The following ALK variants were observed in gnomAD, a reference collection of about 807,000 sequenced individuals.
ALK encodes the protein ALK tyrosine kinase receptor.
A neutral mutation model predicts 163.1 loss-of-function variants in ALK; 74 were observed. The observed-to-expected ratio is 0.45, with a 90% CI of 0.38 to 0.55. The LOEUF is 0.55. Among genes scored for constraint, ALK ranks in the 20% least tolerant of loss-of-function variants. ALK has a pLI of 0.00. For synonymous variants in ALK, 960 were observed against 843.2 expected (o/e 1.14, Z -2.40); for missense variants, 2,063 against 2,105.3 (o/e 0.98, Z 0.39).
intron 23 of ALK, among the ~76,000 whole-genome samples, chr2:29,217,873 T>C (rs1165846162): frequency 1.9e-5 from 2 of 107,248 alleles, no homozygotes; most frequent in Non-Finnish European, 3.8e-5. Context: ...CTACTTTCTC[T>C]TCATGGCACA....
At chr2:29,855,642 T>C (rs1234694863) in intron 1 of ALK, among the ~76,000 whole-genome samples, 1 of 152,188 alleles carries the variant, frequency 6.6e-6, no homozygotes, top group Non-Finnish European at 1.5e-5. Flanking sequence ...AAAGTCTCTG[T>C]GCCTCCCTCA....
chr2:29,393,888 T>G (rs879732358), intron 4 of ALK, among the ~76,000 whole-genome samples: 3 of 152,164 alleles, frequency 2.0e-5, no homozygotes, highest in African/African-American at 7.2e-5. Context: ...TACTGTTGAA[T>G]TAGGTGTGAA....
chr2:29,225,599 C>A (rs1405932599), intron 18 of ALK, 34 bp from the exon 19 acceptor site: 1 of 1,557,850 alleles, frequency 6.4e-7, no homozygotes, highest in African/African-American at 1.4e-5. Context: ...TATTGACAAC[C>A]ACACCAGGTC....
chr2:29,850,658 T>C (rs1289799527), intron 1 of ALK, among the ~76,000 whole-genome samples: 1 of 152,178 alleles, frequency 6.6e-6, no homozygotes, highest in Non-Finnish European at 1.5e-5. Flanking sequence ...CTGGGGTCTA[T>C]GCAGCCAGGC....
At chr2:29,226,881 G>A in intron 18 of ALK, 41 bp downstream of exon 18, 1 of 1,612,732 alleles carries the variant, frequency 6.2e-7, no homozygotes, top group Non-Finnish European at 8.5e-7. Context: ...CCAAATCTCA[G>A]GCTATGGGCC....
chr2:29,587,000 C>A (rs1674908429), intron 3 of ALK, among the ~76,000 whole-genome samples: 1 of 152,114 alleles, frequency 6.6e-6, no homozygotes, highest in Non-Finnish European at 1.5e-5. Context: ...GGTGGGTGTA[C>A]CCTTACCTGC....
intron 3 of ALK, among the ~76,000 whole-genome samples, chr2:29,633,050 T>C (rs1163553281): frequency 1.3e-5 from 2 of 152,156 alleles, no homozygotes; most frequent in Non-Finnish European, 2.9e-5. Flanking sequence ...GACACTCTGA[T>C]CTTGAACTTC....
intron 3 of ALK, among the ~76,000 whole-genome samples, chr2:29,617,276 C>G (rs549635421): frequency 6.6e-6 from 1 of 152,324 alleles, no homozygotes; most frequent in African/African-American, 2.4e-5. Flanking sequence ...AGCCTCTGCT[C>G]TTTTACAAAC....
intron 1 of ALK, among the ~76,000 whole-genome samples, chr2:29,898,870 T>G (rs559426746): frequency 6.6e-6 from 1 of 152,278 alleles, no homozygotes; most frequent in African/African-American, 2.4e-5. Context: ...CCTCTGGTGG[T>G]CTACTAATCT....
intron 2 of ALK, among the ~76,000 whole-genome samples, chr2:29,695,584 G>A: frequency 6.6e-6 from 1 of 152,122 alleles, no homozygotes; most frequent in Non-Finnish European, 1.5e-5. Context: ...GCAACCTACA[G>A]AATGGGAGAA....
chr2:29,767,199 A>G (rs1051750273), intron 1 of ALK, among the ~76,000 whole-genome samples: 3 of 152,232 alleles, frequency 2.0e-5, no homozygotes, highest in African/African-American at 7.2e-5. Context: ...AGTGTTCATT[A>G]GTAAGAAGAT....
At chr2:29,671,057 T>C (rs1677669830) in intron 3 of ALK, among the ~76,000 whole-genome samples, 1 of 152,008 alleles carries the variant, frequency 6.6e-6, no homozygotes, top group Admixed American at 6.6e-5. Context: ...AGCTGTTGTT[T>C]TGTGTTGGTA....
intron 2 of ALK, among the ~76,000 whole-genome samples, chr2:29,695,876 G>A (rs1374787859): frequency 6.6e-6 from 1 of 152,352 alleles, no homozygotes; most frequent in African/African-American, 2.4e-5. Context: ...TGGAGAGGAT[G>A]TGGAGAAATA....
In ALK at chr2:29,220,796, C is replaced by G. The variant is rs777309744; in HGVS notation, c.3555G>C (p.Val1185=). Residue 1185 remains valine (V), a synonymous_variant, in exon 23 of 29, where the codon GTG becomes GTC. Transcript: ENST00000389048. ...NHQNIVRCIG[V]SLQSLPRFIL... is the part of the protein sequence containing the mutation. ...TGAACCGGGGCAGGGATTGCAGGCT[C>G]ACCCCAATGCAGCGAACAATGTTCT... 10 of 1,614,144 alleles carry G rather than the reference C, an allele frequency of 6.2e-6. No homozygotes were observed. The highest frequency in any genetic ancestry group is 8.5e-6 in the Non-Finnish European group (10 of 1,179,984).
chr2:29,300,314 C>G (rs1016260164), intron 8 of ALK, among the ~76,000 whole-genome samples: 1 of 152,044 alleles, frequency 6.6e-6, no homozygotes, highest in Admixed American at 6.6e-5. Context: ...TCTGGGAGGC[C>G]GAGTCAGGTG....
At chr2:29,592,342 C>T (rs1382206095) in intron 3 of ALK, among the ~76,000 whole-genome samples, 12 of 152,188 alleles carry the variant, frequency 7.9e-5, no homozygotes, top group Non-Finnish European at 1.6e-4. Context: ...GGGTCCAGCT[C>T]TCTGCTTCTC....
At chr2:29,624,210 C>A (rs1314312666) in intron 3 of ALK, among the ~76,000 whole-genome samples, 2 of 39,476 alleles carry the variant, frequency 5.1e-5, no homozygotes, top group African/African-American at 1.2e-4. Context: ...CCTGGGAGAC[C>A]TTTTGGGTGG....
At chr2:29,363,222 G>GT (rs1304430417) in intron 5 of ALK, among the ~76,000 whole-genome samples, 3 of 152,198 alleles carry the variant, frequency 2.0e-5, no homozygotes, top group Non-Finnish European at 4.4e-5. Flanking sequence ...AGAGCCTGGG[G>GT]TATGCACTAA....
intron 4 of ALK, among the ~76,000 whole-genome samples, chr2:29,472,753 T>C (rs1671378408): frequency 1.3e-5 from 2 of 152,188 alleles, no homozygotes; most frequent in South Asian, 2.1e-4. Context: ...AATGAATCTT[T>C]AAAAATAACT....
Sources: gnomAD v4.1 joint callset for allele counts (sites outside exome capture counted in the v4.1 genomes callset) on GRCh38, gnomAD v4.1.1 for gene constraint, MANE v1.5 for transcripts, NCBI Gene and HGNC (gene_info 2026-07-23, HGNC 2026-07-21) for gene names.